VTI1A: variants seen among roughly 807,000 people sequenced by gnomAD.
The protein encoded by VTI1A is vesicle transport through interaction with t-SNAREs homolog 1A.
A neutral mutation model predicts 34.9 loss-of-function variants in VTI1A; 22 were observed. That is an observed-to-expected ratio of 0.63 (90% CI 0.45 to 0.90). VTI1A has a LOEUF of 0.90. Among genes scored for constraint, VTI1A ranks in the 40% least tolerant of loss-of-function variants. The pLI is 0.00. For synonymous variants in VTI1A, 87 were observed against 97.3 expected (o/e 0.89, Z 0.62); for missense variants, 268 against 275.6 (o/e 0.97, Z 0.20).
the VTI1A span, among the ~76,000 whole-genome samples, chr10:112,836,971 C>T: frequency 6.6e-6 from 1 of 152,214 alleles, no homozygotes; most frequent in Admixed American, 6.5e-5. Flanking sequence ...TTCAGAGCCA[C>T]TTCGGAGCTC....
intron 5 of VTI1A, among the ~76,000 whole-genome samples, chr10:112,541,801 G>A (rs1046173074): frequency 9.9e-5 from 15 of 152,192 alleles, no homozygotes; most frequent in Admixed American, 2.0e-4. Flanking sequence ...CCTAAGTGCT[G>A]TTCACACCCT....
At chr10:112,493,608 T>C (rs1848911975) in intron 3 of VTI1A, among the ~76,000 whole-genome samples, 1 of 152,218 alleles carries the variant, frequency 6.6e-6, no homozygotes, top group African/African-American at 2.4e-5. Flanking sequence ...TACAGGTATT[T>C]TGTAAATGCC....
chr10:112,736,773 G>GA (rs1418879196), intron 7 of VTI1A: 6 of 1,528,066 alleles, frequency 3.9e-6, no homozygotes, highest in Admixed American at 2.0e-5. Flanking sequence ...CCAAAGGCTT[G>GA]AACCAGAACC....
At chr10:112,494,738 T>C (rs554520543) in intron 3 of VTI1A, among the ~76,000 whole-genome samples, 38 of 152,284 alleles carry the variant, frequency 2.5e-4, no homozygotes, top group Non-Finnish European at 4.6e-4. Flanking sequence ...GGTCTTGAAC[T>C]CCTGAACTCA....
chr10:112,743,899 C>A (rs916595210), intron 7 of VTI1A, among the ~76,000 whole-genome samples: 1 of 152,160 alleles, frequency 6.6e-6, no homozygotes, highest in Non-Finnish European at 1.5e-5. Context: ...TTTACAAATA[C>A]AGTGAAGCCC....
intron 5 of VTI1A, among the ~76,000 whole-genome samples, chr10:112,570,563 T>C (rs1241751546): frequency 3.3e-5 from 5 of 152,174 alleles, no homozygotes; most frequent in Non-Finnish European, 7.4e-5. Flanking sequence ...CAAAAAACAA[T>C]TAAAAGATAG....
chr10:112,533,301 A>G (rs1850510038), intron 4 of VTI1A, among the ~76,000 whole-genome samples: 1 of 152,010 alleles, frequency 6.6e-6, no homozygotes, highest in African/African-American at 2.4e-5. Flanking sequence ...ATTTCACACT[A>G]TTCTCTTTGT....
intron 5 of VTI1A, among the ~76,000 whole-genome samples, chr10:112,554,089 C>T (rs185490932): frequency 2.1e-4 from 32 of 152,176 alleles, no homozygotes; most frequent in African/African-American, 3.1e-4. Context: ...TTAAGGAGTC[C>T]GATATCATCT....
chr10:112,604,823 C>T (rs142213857), intron 5 of VTI1A, among the ~76,000 whole-genome samples: 175 of 152,140 alleles, frequency 1.2e-3, no homozygotes, highest in Non-Finnish European at 1.9e-3. Flanking sequence ...TGGTGTACAG[C>T]GGTGATCACT....
chr10:112,721,668 C>T (rs1305090809), intron 7 of VTI1A, among the ~76,000 whole-genome samples: 3 of 152,140 alleles, frequency 2.0e-5, no homozygotes, highest in Non-Finnish European at 4.4e-5. Flanking sequence ...GTGTACCATC[C>T]TCCGCCATAA....
chr10:112,458,276 A>G (rs1032778770), intron 1 of VTI1A, among the ~76,000 whole-genome samples: 4 of 152,182 alleles, frequency 2.6e-5, no homozygotes, highest in African/African-American at 9.6e-5. Context: ...ACACCATCTC[A>G]GTTTTGATCC....
chr10:112,698,650 C>T (rs1034590998), intron 7 of VTI1A, among the ~76,000 whole-genome samples: 6 of 152,332 alleles, frequency 3.9e-5, no homozygotes, highest in Middle Eastern at 3.4e-3. Flanking sequence ...GCTTAACACC[C>T]TTCTGCTCAC....
At chr10:112,840,719 C>T in the VTI1A span, among the ~76,000 whole-genome samples, 2 of 152,114 alleles carry the variant, frequency 1.3e-5, no homozygotes, top group Non-Finnish European at 2.9e-5. Context: ...AACAACTAGA[C>T]CCCTGGGGGG....
At chr10:112,493,453 A>C (rs565310999) in intron 3 of VTI1A, among the ~76,000 whole-genome samples, 2 of 152,122 alleles carry the variant, frequency 1.3e-5, no homozygotes, top group African/African-American at 4.8e-5. Context: ...TTAATTTTAA[A>C]ATTTTCTTTA....
chr10:112,472,884 G>A (rs1001951494), intron 3 of VTI1A, among the ~76,000 whole-genome samples: 1 of 151,650 alleles, frequency 6.6e-6, no homozygotes, highest in Non-Finnish European at 1.5e-5. Flanking sequence ...TAATGAATAT[G>A]CCTGCTACTT....
At chr10:112,642,362 C>G (rs961844704) in intron 5 of VTI1A, among the ~76,000 whole-genome samples, 17 of 152,112 alleles carry the variant, frequency 1.1e-4, no homozygotes, top group Admixed American at 7.9e-4. Flanking sequence ...TCTGATCCCC[C>G]CCTCTCCATC....
At chr10:112,739,834 C>T (rs566828435) in intron 7 of VTI1A, among the ~76,000 whole-genome samples, 2 of 152,336 alleles carry the variant, frequency 1.3e-5, no homozygotes, top group Non-Finnish European at 2.9e-5. Flanking sequence ...GGAGGATTAT[C>T]TTTCTTGTTG....
intron 5 of VTI1A, among the ~76,000 whole-genome samples, chr10:112,618,617 G>A (rs757017803): frequency 6.7e-6 from 1 of 149,458 alleles, no homozygotes; most frequent in African/African-American, 2.5e-5. Flanking sequence ...GGGGAAGGAG[G>A]AAGGGTTGTC....
intron 1 of VTI1A, among the ~76,000 whole-genome samples, chr10:112,453,674 C>A (rs112271580): frequency 6.6e-6 from 1 of 151,538 alleles, no homozygotes; most frequent in African/African-American, 2.4e-5. Context: ...TTTTTCTTTT[C>A]TTTTTTTTAA....
Sources: allele counts gnomAD v4.1 joint callset (sites outside exome capture counted in the v4.1 genomes callset), GRCh38; gene constraint gnomAD v4.1.1; transcripts MANE v1.5; gene names NCBI Gene and HGNC (gene_info 2026-07-23, HGNC 2026-07-21).